CUL2: variants seen among roughly 807,000 people sequenced by gnomAD.
CUL2 encodes cullin 2, also known as cullin-2.
CUL2 carries 22 observed loss-of-function variants against 110.2 expected under a neutral mutation model. The observed-to-expected ratio is 0.20, with a 90% CI of 0.14 to 0.28. CUL2 has a LOEUF of 0.28. CUL2 is among the 10% of genes least tolerant of loss of function. CUL2 has a pLI of 1.00. For synonymous variants in CUL2, 279 were observed against 293.2 expected (o/e 0.95, Z 0.49); for missense variants, 631 against 905.5 (o/e 0.70, Z 3.89).
rs1273300729 is a variant in CUL2, at chr10:35,035,394, G to T, written c.878-98C>A. ...GCAGGAGTACAATATACGGATCCAAGTGCAGAGCACCCAGAGAAAAGTCCC... is the reference window on the plus strand; with the variant it reads ...GCAGGAGTACAATATACGGATCCAATTGCAGAGCACCCAGAGAAAAGTCCC... On this transcript the variant is annotated intron_variant, in intron 9 of 20. Transcript: ENST00000374749. The T allele has an allele frequency of 1.6e-5, 21 of 1,339,978 alleles. No individual in the cohort carries two copies. In the East Asian group the frequency reaches 4.6e-4, roughly 30 times the overall value. The allele number at this position is 1,339,978 out of a possible 1,614,324, so 83.0% of individuals were successfully genotyped here.
At chr10:35,051,505 C>G (rs1007987568) in intron 5 of CUL2, among the ~76,000 whole-genome samples, 3 of 151,890 alleles carry the variant, frequency 2.0e-5, no homozygotes, top group South Asian at 4.2e-4. Context: ...CCCAGCTACT[C>G]GGGAGGCTGA....
intron 6 of CUL2, 69 bp from the exon 7 acceptor site, chr10:35,044,937 G>A: frequency 1.9e-6 from 2 of 1,072,536 alleles, no homozygotes; most frequent in Non-Finnish European, 2.8e-6. Context: ...CCCAAAATAT[G>A]CCAAAATATG....
intron 2 of CUL2, among the ~76,000 whole-genome samples, chr10:35,067,961 T>C (rs979618755): frequency 6.6e-6 from 1 of 150,728 alleles, no homozygotes; most frequent in African/African-American, 2.4e-5. Context: ...TACAAAAAAA[T>C]TAGCCGGGCA....
chr10:35,025,424 T>C (rs187767252), intron 16 of CUL2, among the ~76,000 whole-genome samples: 50 of 152,302 alleles, frequency 3.3e-4, no homozygotes, highest in African/African-American at 1.2e-3. Context: ...TGTTCTAGAG[T>C]TCTCTCCACT....
At chr10:35,085,436 A>G (rs2087038323) in intron 1 of CUL2, among the ~76,000 whole-genome samples, 1 of 142,816 alleles carries the variant, frequency 7.0e-6, no homozygotes, top group Non-Finnish European at 1.5e-5. Context: ...TCCCAAAAAA[A>G]AATAAAAATA....
intron 2 of CUL2, among the ~76,000 whole-genome samples, chr10:35,066,881 C>T (rs978512217): frequency 2.0e-5 from 3 of 152,082 alleles, no homozygotes; most frequent in African/African-American, 7.2e-5. Flanking sequence ...GTTACTAAGA[C>T]CTTCTTCTTC....
At chr10:35,012,080 G>A in intron 19 of CUL2, 116 bp from the exon 20 acceptor site, 1 of 608,716 alleles carries the variant, frequency 1.6e-6, no homozygotes, top group Non-Finnish European at 2.8e-6. Context: ...TTGAGACAGG[G>A]TTTCACTCTG....
chr10:35,039,972 G>A lies in CUL2; in HGVS notation c.715-890C>T, dbSNP rs185709416. Among the ~76,000 whole-genome samples, 696 of 152,276 alleles carry A rather than the reference G, an allele frequency of 4.6e-3. 5 individuals carry two copies. Among genetic ancestry groups the A allele is most frequent in the African/African-American group, 0.016 (662 of 41,542 alleles). ...GTTTGAGACCAGCCTGGCCAACATGGTGAAACCCCGTCTCTACAAAAATAC... is the reference window on the plus strand; with the variant it reads ...GTTTGAGACCAGCCTGGCCAACATGATGAAACCCCGTCTCTACAAAAATAC... On this transcript the variant is annotated intron_variant, in intron 8 of 20. Coordinates refer to ENST00000374749, the MANE Select transcript of CUL2 (RefSeq NM_003591.4).
chr10:35,061,997 T>C (rs538975349), intron 3 of CUL2, among the ~76,000 whole-genome samples: 1 of 152,302 alleles, frequency 6.6e-6, no homozygotes, highest in Admixed American at 6.5e-5. Context: ...TCCCATTTTA[T>C]AGATAAAGTC....
At chr10:35,103,899 T>C (rs1298494659) in intron 1 of CUL2, among the ~76,000 whole-genome samples, 1 of 151,760 alleles carries the variant, frequency 6.6e-6, no homozygotes, top group Non-Finnish European at 1.5e-5. Context: ...CTCCAAGGGA[T>C]AGATCTTGGA....
At chr10:35,102,058 G>T (rs532898535) in intron 1 of CUL2, among the ~76,000 whole-genome samples, 1 of 150,554 alleles carries the variant, frequency 6.6e-6, no homozygotes, top group South Asian at 2.1e-4. Context: ...TGGCCAATAA[G>T]GTGAAACCCC....
upstream of CUL2, among the ~76,000 whole-genome samples, chr10:35,092,803 G>T (rs1447203150): frequency 2.6e-5 from 4 of 152,136 alleles, no homozygotes; most frequent in African/African-American, 4.8e-5. Flanking sequence ...CTTGCTTAGG[G>T]ATGAAAAACC....
At chr10:35,070,583 A>G (rs2086651854) in intron 2 of CUL2, among the ~76,000 whole-genome samples, 2 of 152,312 alleles carry the variant, frequency 1.3e-5, no homozygotes, top group Admixed American at 6.5e-5. Flanking sequence ...TAGAGAAATC[A>G]CCAATCTGCA....
In CUL2 at chr10:35,113,252, T is replaced by C. The variant is rs530794379; in HGVS notation, c.-50-12192A>G. On this transcript the variant is annotated intron_variant, in intron 1 of 5. Coordinates refer to the CUL2 transcript ENST00000685421. ...GGCTCACTTCTGTAATCCCAGCATT[T>C]TGGGAGCCCGAGGTGGGTGGATCAC... Among the ~76,000 whole-genome samples, 98 of 150,268 alleles carry C rather than the reference T, an allele frequency of 6.5e-4. 1 individual carries two copies. The highest frequency in any genetic ancestry group is 2.3e-3 in the African/African-American group (96 of 40,894).
intron 1 of CUL2, among the ~76,000 whole-genome samples, chr10:35,111,992 C>G (rs1445897559): frequency 1.3e-5 from 2 of 152,200 alleles, no homozygotes; most frequent in Non-Finnish European, 2.9e-5. Context: ...CTCAACTGTA[C>G]AAGGGTCTAT....
intron 17 of CUL2, among the ~76,000 whole-genome samples, chr10:35,017,446 C>A (rs924377232): frequency 1.3e-5 from 2 of 152,114 alleles, no homozygotes; most frequent in Non-Finnish European, 2.9e-5. Flanking sequence ...GTAATCCCAG[C>A]ACTTTGAAAG....
At chr10:35,053,394 T>TA (rs1310176441) in intron 5 of CUL2, among the ~76,000 whole-genome samples, 1 of 152,246 alleles carries the variant, frequency 6.6e-6, no homozygotes, top group African/African-American at 2.4e-5. Context: ...TCCCCTTTGT[T>TA]AAAGTTTCTA....
intron 1 of CUL2, among the ~76,000 whole-genome samples, chr10:35,075,723 ATATT>A (rs1291646019): frequency 6.6e-6 from 1 of 152,118 alleles, no homozygotes; most frequent in Non-Finnish European, 1.5e-5. Flanking sequence ...ATAAAAATTT[ATATT>A]TAATTACCTG....
In CUL2 at chr10:35,039,874, C is replaced by T. The variant is rs375179176; in HGVS notation, c.715-792G>A. ...TGTCTCAAAAAAATAAAAATAAGGC[C>T]AGGCAAGGTGGCTCATGCCTGCAAT... On this transcript the variant is annotated intron_variant, in intron 8 of 20. Coordinates refer to ENST00000374749, the MANE Select transcript of CUL2 (RefSeq NM_003591.4). Among the ~76,000 whole-genome samples, 70 of 149,710 alleles carry T rather than the reference C, an allele frequency of 4.7e-4. No homozygotes were observed. In the South Asian group the frequency reaches 0.014, roughly 31 times the overall value.
Sources: gnomAD v4.1 joint callset for allele counts (sites outside exome capture counted in the v4.1 genomes callset) on GRCh38, gnomAD v4.1.1 for gene constraint, MANE v1.5 for transcripts, NCBI Gene and HGNC (gene_info 2026-07-23, HGNC 2026-07-21) for gene names.